SPOCK3: variants seen among roughly 807,000 people sequenced by gnomAD.
SPOCK3 encodes SPARC (osteonectin), cwcv and kazal like domains proteoglycan 3.
SPOCK3 carries 30 observed loss-of-function variants against 56.6 expected under a neutral mutation model. The ratio of observed to expected loss-of-function variants is 0.53; its 90% CI spans 0.40 to 0.72. The LOEUF (loss-of-function observed/expected upper bound fraction) is 0.72. Among genes scored for constraint, SPOCK3 ranks in the 30% least tolerant of loss-of-function variants. SPOCK3 has a pLI of 0.00. For missense variants in SPOCK3, 527 were observed against 530.0 expected (o/e 0.99, Z 0.06); for synonymous variants, 196 against 183.3 (o/e 1.07, Z -0.56).
chr4:166,808,397 T>C (rs987332205), intron 6 of SPOCK3, among the ~76,000 whole-genome samples: 5 of 152,020 alleles, frequency 3.3e-5, no homozygotes, highest in Non-Finnish European at 7.4e-5. Context: ...TGAGGACATA[T>C]AGGTGGGGCC....
chr4:166,950,754 T>C (rs1742485344), intron 4 of SPOCK3, among the ~76,000 whole-genome samples: 1 of 149,860 alleles, frequency 6.7e-6, no homozygotes, highest in Admixed American at 6.6e-5. Flanking sequence ...CACAGTGCAA[T>C]CAAACTAGAA....
chr4:166,765,065 G>A (rs1244428089), intron 7 of SPOCK3, among the ~76,000 whole-genome samples: 2 of 152,010 alleles, frequency 1.3e-5, no homozygotes, highest in Admixed American at 6.6e-5. Context: ...ATTTGTTTGA[G>A]TTCTTTGTAG....
chr4:167,155,240 T>C (rs1167782964), intron 2 of SPOCK3, among the ~76,000 whole-genome samples: 1 of 152,030 alleles, frequency 6.6e-6, no homozygotes, highest in Non-Finnish European at 1.5e-5. Flanking sequence ...CTTAGCCTCC[T>C]GAGTCCCTGG....
intron 3 of SPOCK3, among the ~76,000 whole-genome samples, chr4:167,059,651 G>A (rs1172094307): frequency 6.6e-6 from 1 of 151,796 alleles, no homozygotes; most frequent in Admixed American, 6.6e-5. Flanking sequence ...CCCATTACTG[G>A]GTATATACCC....
intron 4 of SPOCK3, among the ~76,000 whole-genome samples, chr4:166,993,670 C>A (rs2243997): frequency 1 from 152,050 of 152,254 alleles, 75,923 homozygotes; most frequent in Non-Finnish European, 1. Flanking sequence ...ATTTTCTCAA[C>A]TACTTTGTCT....
At chr4:167,111,285 C>T (rs1041848058) in intron 2 of SPOCK3, among the ~76,000 whole-genome samples, 6 of 151,876 alleles carry the variant, frequency 4.0e-5, no homozygotes, top group Non-Finnish European at 8.8e-5. Context: ...TAACAAAGCC[C>T]GCGGACTCAA....
intron 7 of SPOCK3, among the ~76,000 whole-genome samples, chr4:166,767,086 T>C (rs1430431533): frequency 2.6e-5 from 4 of 152,196 alleles, no homozygotes; most frequent in Non-Finnish European, 4.4e-5. Context: ...TCTTTTCTTC[T>C]TTATTACTCT....
intron 2 of SPOCK3, among the ~76,000 whole-genome samples, chr4:167,107,877 A>G (rs1167328706): frequency 1.3e-5 from 2 of 151,922 alleles, no homozygotes; most frequent in East Asian, 3.9e-4. Context: ...CCTAGGAATT[A>G]ATTTAACAAA....
intron 3 of SPOCK3, among the ~76,000 whole-genome samples, chr4:167,034,608 T>A (rs1482406167): frequency 6.6e-6 from 1 of 152,112 alleles, no homozygotes; most frequent in Non-Finnish European, 1.5e-5. Context: ...AAACCATAGC[T>A]CGTACATATG....
chr4:166,746,622 A>T (rs1288307304), intron 8 of SPOCK3, among the ~76,000 whole-genome samples: 2 of 152,214 alleles, frequency 1.3e-5, no homozygotes, highest in Non-Finnish European at 2.9e-5. Context: ...GAAGGCAAGA[A>T]ATAACTAAGA....
intron 6 of SPOCK3, among the ~76,000 whole-genome samples, chr4:166,807,048 A>G (rs1157802081): frequency 6.6e-6 from 1 of 152,014 alleles, no homozygotes; most frequent in African/African-American, 2.4e-5. Context: ...TCGTATTATA[A>G]CTACTCATCT....
At chr4:166,890,009 T>C (rs1361937903) in intron 5 of SPOCK3, among the ~76,000 whole-genome samples, 1 of 151,984 alleles carries the variant, frequency 6.6e-6, no homozygotes, top group Admixed American at 6.6e-5. Flanking sequence ...CGTGTGCAAA[T>C]GGTTTTTAGA....
chr4:167,063,570 T>G (rs1167069402), intron 2 of SPOCK3, among the ~76,000 whole-genome samples: 1 of 151,898 alleles, frequency 6.6e-6, no homozygotes, highest in East Asian at 1.9e-4. Flanking sequence ...AATGCGGTTT[T>G]GCTACATGAA....
chr4:166,837,181 A>G (rs991567206), intron 6 of SPOCK3, among the ~76,000 whole-genome samples: 1 of 152,172 alleles, frequency 6.6e-6, no homozygotes, highest in Non-Finnish European at 1.5e-5. Context: ...AGTCTTTAAG[A>G]TTCTTGGCTG....
intron 2 of SPOCK3, among the ~76,000 whole-genome samples, chr4:167,212,453 G>A (rs1047757707): frequency 1.3e-5 from 2 of 151,816 alleles, no homozygotes; most frequent in Non-Finnish European, 1.5e-5. Context: ...TGTTGGCCAG[G>A]ACTGGTCTTG....
Position 167,062,560 on chromosome 4 carries a change from T to C in SPOCK3, c.190-23A>G, listed in dbSNP as rs781032516. ...ATCCTAAGGGGGAAAATAATGTGAATTGAGTGTATACAAGTAATTAAAACG... is the reference window on the plus strand; with the variant it reads ...ATCCTAAGGGGGAAAATAATGTGAACTGAGTGTATACAAGTAATTAAAACG... On this transcript the variant is annotated intron_variant, in intron 2 of 10. Transcript: ENST00000357545. 4 of 1,584,046 alleles carry C rather than the reference T, an allele frequency of 2.5e-6. No homozygotes were observed. In the South Asian group the frequency reaches 4.5e-5, roughly 18 times the overall value.
chr4:166,823,330 C>G (rs1468492215), intron 6 of SPOCK3, among the ~76,000 whole-genome samples: 1 of 151,812 alleles, frequency 6.6e-6, no homozygotes, highest in Non-Finnish European at 1.5e-5. Context: ...AGCAGAGACA[C>G]TAGATAAAAA....
At chr4:167,138,638 A>G (rs1297989957) in intron 2 of SPOCK3, among the ~76,000 whole-genome samples, 1 of 151,954 alleles carries the variant, frequency 6.6e-6, no homozygotes, top group Non-Finnish European at 1.5e-5. Flanking sequence ...CATATCAAGA[A>G]TGCATAAGAT....
chr4:166,744,476 G>C lies in SPOCK3; in HGVS notation c.932-2417C>G, dbSNP rs1195401497. Among the ~76,000 whole-genome samples the C allele has an allele frequency of 2.6e-4, 39 of 152,158 alleles. 1 individual carries two copies. The highest frequency in any genetic ancestry group is 2.6e-3 in the Admixed American group (39 of 15,272). On this transcript the variant is annotated intron_variant, in intron 8 of 10. Coordinates refer to ENST00000357545, the MANE Select transcript of SPOCK3 (RefSeq NM_001040159.2). Reference sequence around the variant, plus strand: ...GGACATCCACACCAAGACCGCATCTGTAGGTCACCATCATCAAAGACCAAA... The same window carrying C: ...GGACATCCACACCAAGACCGCATCTCTAGGTCACCATCATCAAAGACCAAA...
Sources: gnomAD v4.1 joint callset for allele counts (sites outside exome capture counted in the v4.1 genomes callset) on GRCh38, gnomAD v4.1.1 for gene constraint, MANE v1.5 for transcripts, NCBI Gene and HGNC (gene_info 2026-07-23, HGNC 2026-07-21) for gene names.